Variants in CLEC16A observed in about 807,000 individuals in gnomAD.
CLEC16A encodes protein CLEC16A.
Under a neutral mutation model 109.5 loss-of-function variants are expected in CLEC16A, and 51 were observed. The observed-to-expected ratio is 0.47, with a 90% CI of 0.37 to 0.59. The LOEUF is 0.59. Ranked by LOEUF, CLEC16A falls within the 20% of genes least tolerant of loss-of-function variation. The pLI, the probability that CLEC16A is intolerant of heterozygous loss-of-function variation, is 0.00. For missense variants in CLEC16A, 1,339 were observed against 1,394.0 expected (o/e 0.96, Z 0.63); for synonymous variants, 673 against 564.2 (o/e 1.19, Z -2.73).
chr16:11,167,581 T>C (rs747847399), intron 23 of CLEC16A, among the ~76,000 whole-genome samples: 1 of 152,184 alleles, frequency 6.6e-6, no homozygotes, highest in Non-Finnish European at 1.5e-5. Flanking sequence ...TCTTGGGCAC[T>C]TCCAGCTTTT....
intron 4 of CLEC16A, among the ~76,000 whole-genome samples, chr16:10,970,907 C>T (rs193243882): frequency 3.1e-4 from 47 of 151,788 alleles, no homozygotes; most frequent in East Asian, 2.1e-3. Context: ...CACCACCACA[C>T]GGACTTGGAC....
chr16:10,987,939 C>G (rs1419495002), intron 10 of CLEC16A, among the ~76,000 whole-genome samples: 1 of 152,206 alleles, frequency 6.6e-6, no homozygotes, highest in East Asian at 1.9e-4. Context: ...GAGGGGAGAT[C>G]ACAGTTATTT....
intron 22 of CLEC16A, among the ~76,000 whole-genome samples, chr16:11,148,715 C>A (rs1376122652): frequency 6.6e-6 from 1 of 152,178 alleles, no homozygotes; most frequent in Non-Finnish European, 1.5e-5. Flanking sequence ...GTGCTCCATC[C>A]CCTGTATGGC....
chr16:11,069,614 T>A (rs986902766), intron 19 of CLEC16A, among the ~76,000 whole-genome samples: 8 of 140,442 alleles, frequency 5.7e-5, no homozygotes, highest in African/African-American at 8.0e-5. Context: ...ATTTTTTTTT[T>A]AATCTTTTGT....
intron 11 of CLEC16A, among the ~76,000 whole-genome samples, chr16:11,011,552 T>C (rs897617221): frequency 6.6e-6 from 1 of 152,164 alleles, no homozygotes; most frequent in Non-Finnish European, 1.5e-5. Flanking sequence ...ATCTAGTACC[T>C]CCTCTGCCTG....
At chr16:11,129,745 C>G (rs1416189134) in intron 22 of CLEC16A, among the ~76,000 whole-genome samples, 2 of 149,934 alleles carry the variant, frequency 1.3e-5, no homozygotes, top group Non-Finnish European at 2.9e-5. Flanking sequence ...CCTCCCGCCA[C>G]TGCATTGGCC....
chr16:11,015,126 A>G (rs528287400), intron 11 of CLEC16A, among the ~76,000 whole-genome samples: 7 of 152,352 alleles, frequency 4.6e-5, no homozygotes, highest in African/African-American at 1.7e-4. Flanking sequence ...AAAGAAGAGC[A>G]AGAAACCTTT....
At chr16:11,049,232 C>T (rs968691116) in intron 17 of CLEC16A, among the ~76,000 whole-genome samples, 3 of 151,960 alleles carry the variant, frequency 2.0e-5, no homozygotes, top group Admixed American at 2.0e-4. Flanking sequence ...GGTCTCAAAC[C>T]CCTGACCTCG....
intron 15 of CLEC16A, among the ~76,000 whole-genome samples, chr16:11,042,838 GTGTC>G (rs1005851294): frequency 7.3e-5 from 11 of 150,968 alleles, no homozygotes; most frequent in Non-Finnish European, 1.3e-4. Context: ...CATTTTGTCT[GTGTC>G]TGTGCACACA....
intron 11 of CLEC16A, among the ~76,000 whole-genome samples, chr16:11,013,137 A>T (rs1379222619): frequency 2.0e-5 from 3 of 152,230 alleles, no homozygotes; most frequent in Non-Finnish European, 4.4e-5. Context: ...TGGCGAGAAC[A>T]TGCAGACTCC....
At chr16:11,120,874 G>T in intron 20 of CLEC16A, 108 bp downstream of exon 20, 2 of 1,101,330 alleles carry the variant, frequency 1.8e-6, no homozygotes, top group Non-Finnish European at 2.4e-6. Context: ...TTAATTTGTA[G>T]TGATATTATA....
intron 2 of CLEC16A, among the ~76,000 whole-genome samples, chr16:10,958,148 A>G (rs1052738886): frequency 6.6e-6 from 1 of 152,108 alleles, no homozygotes; most frequent in Non-Finnish European, 1.5e-5. Context: ...TGAAAATGTC[A>G]TGGGTAATTT....
At chr16:11,111,874 A>G (rs922468073) in intron 19 of CLEC16A, among the ~76,000 whole-genome samples, 1 of 152,266 alleles carries the variant, frequency 6.6e-6, no homozygotes, top group Non-Finnish European at 1.5e-5. Flanking sequence ...TTATTTTAAT[A>G]GAATACAAAT....
In CLEC16A at chr16:11,108,907, G is replaced by A. The variant is rs190987587; in HGVS notation, c.2117-11708G>A. 2.6e-3 allele frequency among the ~76,000 whole-genome samples: 391 copies of A among 152,050 alleles called. 1 individual carries two copies. The highest frequency in any genetic ancestry group is 0.01 in the Middle Eastern group (3 of 294). On this transcript the variant is annotated intron_variant, in intron 19 of 23. Coordinates refer to ENST00000409790, the MANE Select transcript of CLEC16A (RefSeq NM_015226.3). ...GGGCGGATCACGAGGTCAGGAGATC[G>A]AGACCATCCTGGCTAACATGGTGAA...
Position 10,961,984 on chromosome 16 carries a change from G to A in CLEC16A, c.210-471G>A, listed in dbSNP as rs547946223. On this transcript the variant is annotated intron_variant, in intron 2 of 23. Coordinates refer to ENST00000409790, the MANE Select transcript of CLEC16A (RefSeq NM_015226.3). The surrounding 1 kb of genome is among the most constrained non-coding windows in gnomAD (Gnocchi z 4.3). ...CTTTTTTTTCTTTTTTTTTTTTTTG[G>A]CTCTGTCACCCAGGCTGGAGTGCAG... Among the ~76,000 whole-genome samples the A allele has an allele frequency of 9.1e-6, 1 of 110,496 alleles. No homozygotes were observed. Among genetic ancestry groups the A allele is most frequent in the Non-Finnish European group, 1.8e-5 (1 of 54,232 alleles). 72.5% of individuals were successfully genotyped at this position (110,496 alleles called of 152,430 possible). A position where few individuals can be genotyped will look rare whatever the true frequency, so the allele number is the denominator to read the frequency against.
intron 1 of CLEC16A, among the ~76,000 whole-genome samples, chr16:10,957,554 C>A (rs958958952): frequency 1.3e-5 from 2 of 152,198 alleles, no homozygotes; most frequent in African/African-American, 2.4e-5. Flanking sequence ...AAGGGTTTGA[C>A]GATTTTCTTG....
intron 13 of CLEC16A, among the ~76,000 whole-genome samples, chr16:11,028,074 C>T (rs868739342): frequency 2.6e-5 from 4 of 152,340 alleles, no homozygotes; most frequent in Middle Eastern, 3.4e-3. Flanking sequence ...GTGGCGCATG[C>T]CTGTAATCCC....
rs1389803761 is a variant in CLEC16A, at chr16:11,174,241, G to C, written c.2807-4094G>C. On this transcript the variant is annotated intron_variant, in intron 23 of 23. Transcript: ENST00000409790. The surrounding 1 kb of genome is among the most constrained non-coding windows in gnomAD (Gnocchi z 4.7). ...GGCCACTGGGTTTAGTGCTCCGAACGGCAGCTGCCACGGCACCTCACGCAC... is the reference window on the plus strand; with the variant it reads ...GGCCACTGGGTTTAGTGCTCCGAACCGCAGCTGCCACGGCACCTCACGCAC... The C allele has an allele frequency of 2.1e-6, 1 of 467,368 alleles. No homozygotes were observed. Among genetic ancestry groups the C allele is most frequent in the South Asian group, 1.5e-5 (1 of 64,562 alleles). The allele number at this position is 467,368 out of a possible 1,614,324, so 29.0% of individuals were successfully genotyped here.
At chr16:10,999,629 G>A (rs918044837) in intron 10 of CLEC16A, among the ~76,000 whole-genome samples, 5 of 152,150 alleles carry the variant, frequency 3.3e-5, no homozygotes, top group East Asian at 3.8e-4. Context: ...CTGGAAGGTC[G>A]TGTTATAAAG....
Sources: gnomAD v4.1 joint callset for allele counts (sites outside exome capture counted in the v4.1 genomes callset) on GRCh38, gnomAD v4.1.1 for gene constraint, Gnocchi (gnomAD v3.1) non-coding constraint, MANE v1.5 for transcripts, NCBI Gene and HGNC (gene_info 2026-07-23, HGNC 2026-07-21) for gene names.